TNS3: variants seen among roughly 807,000 people sequenced by gnomAD.
The protein encoded by TNS3 is tensin-3.
TNS3 carries 45 observed loss-of-function variants against 140.9 expected under a neutral mutation model. That is an observed-to-expected ratio of 0.32 (90% CI 0.25 to 0.41). The LOEUF (loss-of-function observed/expected upper bound fraction) is 0.41, where lower values mean the gene tolerates loss of function less well. TNS3 is among the 10% of genes least tolerant of loss of function. The pLI, the probability that TNS3 is intolerant of heterozygous loss-of-function variation, is 1.00. For missense variants in TNS3, 1,716 were observed against 1,906.7 expected, an observed-to-expected ratio of 0.90 and a Z score of 1.86; for synonymous variants, 815 against 788.4, an observed-to-expected ratio of 1.03 and a Z score of -0.56.
chr7:47,562,479 C>T (rs910562876), intron 1 of TNS3, among the ~76,000 whole-genome samples: 3 of 151,708 alleles, frequency 2.0e-5, no homozygotes, highest in Non-Finnish European at 4.4e-5. Context: ...CTCCGCCTCC[C>T]GGGTTCAAGC....
At chr7:47,373,894 AC>A (rs1314725895) in intron 16 of TNS3, among the ~76,000 whole-genome samples, 2 of 152,106 alleles carry the variant, frequency 1.3e-5, no homozygotes, top group African/African-American at 2.4e-5. Flanking sequence ...ACCAACCAAA[AC>A]CAAACACACA....
intron 13 of TNS3, among the ~76,000 whole-genome samples, chr7:47,402,210 A>G (rs1354239782): frequency 6.6e-6 from 1 of 152,188 alleles, no homozygotes; most frequent in African/African-American, 2.4e-5. Flanking sequence ...TGTGCTATCT[A>G]CAAGGAAAGG....
intron 1 of TNS3, among the ~76,000 whole-genome samples, chr7:47,548,407 G>A (rs1386601081): frequency 1.3e-5 from 2 of 152,062 alleles, no homozygotes; most frequent in East Asian, 3.9e-4. Context: ...TTACCCCAAG[G>A]TTCATGGGCT....
At chr7:47,371,347 A>T (rs1480405844) in intron 16 of TNS3, among the ~76,000 whole-genome samples, 1 of 152,174 alleles carries the variant, frequency 6.6e-6, no homozygotes, top group Non-Finnish European at 1.5e-5. Flanking sequence ...CTATGTTGTT[A>T]TTCCTTGTTT....
intron 27 of TNS3, among the ~76,000 whole-genome samples, chr7:47,290,112 A>G (rs940130982): frequency 1.3e-5 from 2 of 152,258 alleles, no homozygotes; most frequent in African/African-American, 2.4e-5. Context: ...ACAAAAGAGC[A>G]AAGGGAATAC....
chr7:47,370,144 C>T (rs980580576), intron 16 of TNS3, among the ~76,000 whole-genome samples: 3 of 152,050 alleles, frequency 2.0e-5, no homozygotes, highest in South Asian at 4.2e-4. Flanking sequence ...GGCGTGGTGG[C>T]GCATGCCTGT....
chr7:47,529,926 T>C (rs1328693188), intron 1 of TNS3, among the ~76,000 whole-genome samples: 1 of 152,226 alleles, frequency 6.6e-6, no homozygotes, highest in Non-Finnish European at 1.5e-5. Flanking sequence ...ACTGGAATAA[T>C]TAAATTTATT....
intron 4 of TNS3, among the ~76,000 whole-genome samples, chr7:47,452,541 A>G (rs1295881898): frequency 6.6e-6 from 1 of 152,226 alleles, no homozygotes; most frequent in Non-Finnish European, 1.5e-5. Flanking sequence ...GTAACGAAAT[A>G]GTCACAGGAT....
chr7:47,457,699 C>T (rs1000300722), intron 4 of TNS3, among the ~76,000 whole-genome samples: 17 of 152,116 alleles, frequency 1.1e-4, no homozygotes, highest in Non-Finnish European at 2.4e-4. Context: ...CACTATGGTG[C>T]CCTCCATCCA....
intron 1 of TNS3, among the ~76,000 whole-genome samples, chr7:47,562,146 C>A (rs555747132): frequency 2.6e-5 from 4 of 152,140 alleles, no homozygotes; most frequent in Non-Finnish European, 5.9e-5. Context: ...TCCCTGTGCA[C>A]CCTGACCATC....
chr7:47,329,879 C>G (rs1788238358), intron 20 of TNS3, among the ~76,000 whole-genome samples: 1 of 152,144 alleles, frequency 6.6e-6, no homozygotes, highest in African/African-American at 2.4e-5. Context: ...CAGGGATGGG[C>G]AGCAGGGAGG....
intron 8 of TNS3, among the ~76,000 whole-genome samples, chr7:47,429,560 G>A (rs930854832): frequency 6.6e-6 from 1 of 152,086 alleles, no homozygotes; most frequent in African/African-American, 2.4e-5. Context: ...GTAGAGATGG[G>A]GTTTCACCAT....
intron 3 of TNS3, among the ~76,000 whole-genome samples, chr7:47,496,447 G>A (rs942398318): frequency 2.0e-5 from 3 of 152,174 alleles, no homozygotes; most frequent in Non-Finnish European, 2.9e-5. Context: ...GCTGATTAAT[G>A]TCAGGCTGGT....
intron 20 of TNS3, among the ~76,000 whole-genome samples, chr7:47,322,238 C>CAAAAAAAAAAAAAA (rs1787781182): frequency 1.7e-5 from 2 of 116,522 alleles, no homozygotes. Context: ...AAAAAAAAAG[C>CAAAAAAAAAAAAAA]AAAGGCCAGG....
At chr7:47,476,125 C>T (rs189688953) in intron 4 of TNS3, among the ~76,000 whole-genome samples, 3 of 152,346 alleles carry the variant, frequency 2.0e-5, no homozygotes, top group Admixed American at 6.5e-5. Flanking sequence ...GTCACACTAG[C>T]ACTGAGGATC....
At chr7:47,420,037 A>T (rs144767348) in intron 10 of TNS3, among the ~76,000 whole-genome samples, 27 of 152,314 alleles carry the variant, frequency 1.8e-4, no homozygotes, top group African/African-American at 6.3e-4. Context: ...TAAATCGGCT[A>T]TATCTGGGCA....
intron 18 of TNS3, among the ~76,000 whole-genome samples, 156 bp from the exon 19 acceptor site, chr7:47,345,194 A>G (rs914260177): frequency 2.6e-5 from 4 of 152,050 alleles, no homozygotes; most frequent in Middle Eastern, 6.8e-3. Flanking sequence ...ACTGCACAAA[A>G]CCAGCCCGCC....
At chr7:47,518,193 A>T (rs1798841850) in intron 2 of TNS3, among the ~76,000 whole-genome samples, 1 of 152,016 alleles carries the variant, frequency 6.6e-6, no homozygotes, top group South Asian at 2.1e-4. Context: ...AACCCTCCAG[A>T]CCACCCTCTG....
chr7:47,281,942 C>CCCTGAT, intron 28 of TNS3, among the ~76,000 whole-genome samples: 1 of 148,692 alleles, frequency 6.7e-6, no homozygotes, highest in South Asian at 2.2e-4. Flanking sequence ...CTGACCCTGA[C>CCCTGAT]CCTGAGTCCA....
Sources: allele counts gnomAD v4.1 joint callset (sites outside exome capture counted in the v4.1 genomes callset), GRCh38; gene constraint gnomAD v4.1.1; transcripts MANE v1.5; gene names NCBI Gene and HGNC (gene_info 2026-07-23, HGNC 2026-07-21).